PRUNE1: variants seen among roughly 807,000 people sequenced by gnomAD.
PRUNE1 encodes the protein exopolyphosphatase PRUNE1.
Under a neutral mutation model 42.5 loss-of-function variants are expected in PRUNE1, and 25 were observed. The ratio of observed to expected loss-of-function variants is 0.59; its 90% CI spans 0.43 to 0.82. PRUNE1 has a LOEUF of 0.82. Ranked by LOEUF, PRUNE1 falls within the 40% of genes least tolerant of loss-of-function variation. PRUNE1 has a pLI of 0.00. For missense variants in PRUNE1, 443 were observed against 539.3 expected (o/e 0.82, Z 1.77); for synonymous variants, 203 against 217.1 (o/e 0.93, Z 0.57).
chr1:151,027,676 G>A (rs1674942147), intron 6 of PRUNE1, among the ~76,000 whole-genome samples: 1 of 149,242 alleles, frequency 6.7e-6, no homozygotes, highest in Non-Finnish European at 1.5e-5. Flanking sequence ...CAACCTTCCA[G>A]GCTCAAGCAA....
chr1:151,023,681 G>A (rs587712637), intron 3 of PRUNE1, among the ~76,000 whole-genome samples: 3 of 149,224 alleles, frequency 2.0e-5, no homozygotes, highest in East Asian at 2.0e-4. Flanking sequence ...TTGCACCACT[G>A]CACTCCAGCC....
chr1:151,033,981 C>T lies in PRUNE1; in HGVS notation c.1109C>T (p.Ser370Leu), dbSNP rs752752251. ...TATTTTGACTCCATGAAGATCCCTT[C>T]AGGACAGCCTGAGACAGCAGATGTG... ...SAYFDSMKIP[S>L]GQPETADVSR... Residue 370 changes from serine to leucine, a missense_variant, in exon 8 of 8, where the codon TCA becomes TTA. Physicochemically the swap from Ser to Leu is moderately radical, Grantham distance 145. Transcript: ENST00000271620. 9 of 1,614,150 alleles carry T rather than the reference C, an allele frequency of 5.6e-6. No individual in the cohort carries two copies. The highest frequency in any genetic ancestry group is 5.0e-5 in the Admixed American group (3 of 60,000).
chr1:151,029,786 T>C (rs1177448331), intron 7 of PRUNE1, among the ~76,000 whole-genome samples: 3 of 152,108 alleles, frequency 2.0e-5, no homozygotes, highest in Non-Finnish European at 4.4e-5. Flanking sequence ...CCTGGAATTA[T>C]GCTGTTGCCT....
intron 5 of PRUNE1, among the ~76,000 whole-genome samples, chr1:151,026,557 A>T (rs1236293749): frequency 6.6e-6 from 1 of 152,142 alleles, no homozygotes; most frequent in African/African-American, 2.4e-5. Flanking sequence ...ATCAGAGTGA[A>T]ATCTATAGAA....
chr1:151,027,707 G>A (rs35550545), intron 6 of PRUNE1, among the ~76,000 whole-genome samples: 17,048 of 150,280 alleles, frequency 0.11, 964 homozygotes, highest in Admixed American at 0.14. Flanking sequence ...TTAGCCTCTC[G>A]AGTAGCTGGG....
At chr1:151,010,582 G>C (rs587661668) in intron 1 of PRUNE1, among the ~76,000 whole-genome samples, 2 of 152,026 alleles carry the variant, frequency 1.3e-5, no homozygotes, top group African/African-American at 2.4e-5. Flanking sequence ...CCAGGGCCTG[G>C]AGAAATGAGA....
At chr1:151,014,337 A>G (rs1384101893) in intron 1 of PRUNE1, among the ~76,000 whole-genome samples, 1 of 152,142 alleles carries the variant, frequency 6.6e-6, no homozygotes, top group African/African-American at 2.4e-5. Context: ...CCTCAGGGCA[A>G]ACTTCTTTAG....
rs1673509723 is a variant in PRUNE1, at chr1:151,008,687, CTG to C, written c.39+19_39+20del. 6.2e-7 allele frequency: 1 copy of C among 1,613,580 alleles called. No homozygotes were observed. The highest frequency in any genetic ancestry group is 1.3e-5 in the African/African-American group (1 of 74,824). ...TGCTCTGCAGGTAACGAATCCCTGT[CTG>C]TGACTGTAAGGAATGGAGCACGGGG... On this transcript the variant is annotated intron_variant, in intron 1 of 7. Transcript: ENST00000271620.
At chr1:151,020,926 G>A (rs1337169621) in intron 3 of PRUNE1, among the ~76,000 whole-genome samples, 1 of 151,476 alleles carries the variant, frequency 6.6e-6, no homozygotes, top group South Asian at 2.1e-4. Context: ...AGCTTTCAGT[G>A]AGCTGAGATC....
intron 1 of PRUNE1, among the ~76,000 whole-genome samples, chr1:151,010,063 C>T (rs1228208178): frequency 6.6e-6 from 1 of 152,128 alleles, no homozygotes; most frequent in Non-Finnish European, 1.5e-5. Context: ...GAGCCTCCCC[C>T]GACCCCCAGG....
chr1:151,021,844 T>G (rs1035511625), intron 3 of PRUNE1, among the ~76,000 whole-genome samples: 33 of 150,290 alleles, frequency 2.2e-4, no homozygotes, highest in Middle Eastern at 3.4e-3. Context: ...GTGTGTGTGT[T>G]TTTAGTAGAG....
rs377035806 is a variant in PRUNE1, at chr1:151,024,804, G to C, written c.520+9G>C. ...TGCAGCCCTTCTGCATGGTAAGGGT[G>C]GCTTTTGGATTGGGACCTCAGTAGT... On this transcript the variant is annotated intron_variant, in intron 4 of 7. Transcript: ENST00000271620. 2.3e-5 allele frequency: 37 copies of C among 1,603,678 alleles called. No homozygotes were observed. In the African/African-American group the frequency reaches 4.8e-4, roughly 21 times the overall value.
intron 7 of PRUNE1, among the ~76,000 whole-genome samples, chr1:151,033,072 C>CTGA (rs1675334233): frequency 2.7e-5 from 4 of 145,734 alleles, no homozygotes; most frequent in East Asian, 2.1e-4. Flanking sequence ...CTGTGCCCGG[C>CTGA]CTCAAGGATA....
Position 151,033,928 on chromosome 1 carries a change from G to A in PRUNE1, c.1056G>A (p.Leu352=). The part of the protein sequence containing the change: ...GNTQVSRKKL[L]PLLQEALSAY... The stretch of plus-strand genomic sequence containing the variant: ...CCCAGGTCTCTCGAAAGAAACTTCT[G>A]CCCCTGCTCCAGGAAGCCCTGTCAG... The change falls in exon 8 of 8, where the codon CTG becomes CTA. Residue 352 remains leucine, a synonymous_variant. Transcript: ENST00000271620. The A allele has an allele frequency of 2.5e-6, 4 of 1,614,080 alleles. No homozygotes were observed. Among genetic ancestry groups the A allele is most frequent in the South Asian group, 1.1e-5 (1 of 91,076 alleles).
intron 3 of PRUNE1, among the ~76,000 whole-genome samples, chr1:151,023,314 T>C (rs1674592042): frequency 6.6e-6 from 1 of 152,124 alleles, no homozygotes; most frequent in Admixed American, 6.6e-5. Flanking sequence ...ATTGAGGGCC[T>C]AGAGTGGGGC....
Position 151,034,219 on chromosome 1 carries a change from C to G in PRUNE1, c.1347C>G (p.Ser449=). ...CACTGTCACAGTCTACCACAGCCTCCCTGTCCAAGAAGTGACTGTTGAGAG... is the reference window on the plus strand; with the variant it reads ...CACTGTCACAGTCTACCACAGCCTCGCTGTCCAAGAAGTGACTGTTGAGAG... The part of the protein sequence containing the change: ...QISLSQSTTA[S]LSKK Residue 449 remains serine, a synonymous_variant, in exon 8 of 8, where the codon TCC becomes TCG. Transcript: ENST00000271620. The G allele has an allele frequency of 6.2e-7, 1 of 1,610,848 alleles. No individual in the cohort carries two copies. Among genetic ancestry groups the G allele is most frequent in the Non-Finnish European group, 8.5e-7 (1 of 1,177,774 alleles).
In PRUNE1 at chr1:151,024,713, G is replaced by T; in HGVS notation, c.438G>T (p.Gly146=). 6.2e-7 allele frequency: 1 copy of T among 1,614,128 alleles called. No homozygotes were observed. The highest frequency in any genetic ancestry group is 8.5e-7 in the Non-Finnish European group (1 of 1,180,020). The change falls in exon 4 of 8, where the codon GGG becomes GGT. Residue 146 remains glycine, a synonymous_variant. Coordinates refer to ENST00000271620, the MANE Select transcript of PRUNE1 (RefSeq NM_021222.3). ...PPCHVSVELV[G]SCATLVTERI... is the part of the protein sequence containing the mutation. The stretch of plus-strand genomic sequence containing the variant: ...GCCATGTTTCAGTTGAGCTGGTGGG[G>T]TCCTGTGCTACCCTGGTGACCGAGA...
At position 151,034,315 on chromosome 1, in the gene PRUNE1, A is replaced by C; in HGVS notation, c.*81A>C. On this transcript the variant is annotated 3_prime_UTR_variant, in exon 8 of 8. Transcript: ENST00000271620. The stretch of plus-strand genomic sequence containing the variant: ...GTTTTGAGATGTTTGGAGATTCAGC[A>C]ATTCTGTCTTCATTGCTCCAGGATC... The C allele has an allele frequency of 7.1e-7, 1 of 1,414,028 alleles. No homozygotes were observed. Among genetic ancestry groups the C allele is most frequent in the South Asian group, 1.3e-5 (1 of 78,496 alleles). The allele number at this position is 1,414,028 out of a possible 1,614,324, so 87.6% of individuals were successfully genotyped here.
At position 151,009,323 on chromosome 1, in the gene PRUNE1, C is replaced by G. The variant is rs587668533; in HGVS notation, c.39+652C>G. Among the ~76,000 whole-genome samples the G allele has an allele frequency of 2.6e-5, 4 of 152,334 alleles. No individual in the cohort carries two copies. The East Asian group carries it at 7.7e-4, about 29-fold the overall frequency. On this transcript the variant is annotated intron_variant, in intron 1 of 7. Coordinates refer to ENST00000271620, the MANE Select transcript of PRUNE1 (RefSeq NM_021222.3). Reference sequence around the variant, plus strand: ...CTCCAGGTTTCTCCTTTGGCCTTAACGCACACAAATGACATAAAAATTCTC... The same window carrying G: ...CTCCAGGTTTCTCCTTTGGCCTTAAGGCACACAAATGACATAAAAATTCTC...
Sources: allele counts gnomAD v4.1 joint callset (sites outside exome capture counted in the v4.1 genomes callset), GRCh38; gene constraint gnomAD v4.1.1; transcripts MANE v1.5; gene names NCBI Gene and HGNC (gene_info 2026-07-23, HGNC 2026-07-21).